ST7: variants seen among roughly 807,000 people sequenced by gnomAD.
The protein encoded by ST7 is suppression of tumorigenicity 7, also known as suppressor of tumorigenicity 7 protein.
A neutral mutation model predicts 78.7 loss-of-function variants in ST7; 28 were observed. That is an observed-to-expected ratio of 0.36 (90% CI 0.26 to 0.49). ST7 has a LOEUF of 0.49. Among genes scored for constraint, ST7 ranks in the 20% least tolerant of loss-of-function variants. The pLI is 0.99. For synonymous variants in ST7, 247 were observed against 249.6 expected (o/e 0.99, Z 0.10); for missense variants, 418 against 696.0 (o/e 0.60, Z 4.49).
chr7:116,960,119 C>T (rs183287665), intron 1 of ST7, among the ~76,000 whole-genome samples: 1 of 152,214 alleles, frequency 6.6e-6, no homozygotes, highest in East Asian at 1.9e-4. Context: ...TCTTACCCCT[C>T]AAATCTGAAC....
chr7:117,093,798 A>G (rs1368352691), intron 1 of ST7, among the ~76,000 whole-genome samples: 1 of 152,212 alleles, frequency 6.6e-6, no homozygotes, highest in Non-Finnish European at 1.5e-5. Flanking sequence ...CTTTATCTAC[A>G]ATATTATGTT....
chr7:117,107,474 G>T (rs1244681671), intron 2 of ST7, among the ~76,000 whole-genome samples: 1 of 151,976 alleles, frequency 6.6e-6, no homozygotes, highest in Admixed American at 6.6e-5. Flanking sequence ...GGGGTGAAGT[G>T]GTGCTGCATT....
intron 2 of ST7, 80 bp from the exon 3 acceptor site, chr7:117,119,481 T>G (rs984133130): frequency 2.3e-6 from 3 of 1,322,214 alleles, no homozygotes; most frequent in Non-Finnish European, 3.0e-6. Context: ...AATTAGTAAA[T>G]GTAACATGTT....
At chr7:116,988,848 A>G (rs1177644716) in intron 1 of ST7, among the ~76,000 whole-genome samples, 1 of 152,242 alleles carries the variant, frequency 6.6e-6, no homozygotes, top group Non-Finnish European at 1.5e-5. Flanking sequence ...ACAGACTTGG[A>G]CACTAATGCT....
intron 1 of ST7, among the ~76,000 whole-genome samples, chr7:117,074,505 G>A (rs943381685): frequency 1.3e-4 from 20 of 150,844 alleles, no homozygotes; most frequent in African/African-American, 4.9e-4. Context: ...TGTTTATGGC[G>A]ACCCCCCTCA....
intron 12 of ST7, among the ~76,000 whole-genome samples, chr7:117,197,172 C>T (rs908959726): frequency 6.6e-6 from 1 of 152,092 alleles, no homozygotes; most frequent in Non-Finnish European, 1.5e-5. Flanking sequence ...GTAGCTGGGA[C>T]TATAGGTATG....
At chr7:117,092,235 C>T (rs1366977877) in intron 1 of ST7, among the ~76,000 whole-genome samples, 4 of 137,874 alleles carry the variant, frequency 2.9e-5, no homozygotes, top group African/African-American at 8.5e-5. Context: ...GCCAAGATCA[C>T]GCCACTGCAC....
intron 12 of ST7, among the ~76,000 whole-genome samples, chr7:117,202,979 G>C (rs1009485504): frequency 2.0e-5 from 3 of 152,134 alleles, no homozygotes; most frequent in African/African-American, 7.2e-5. Context: ...CAGAACCTGT[G>C]TTATGCAAAA....
In ST7 at chr7:117,015,588, C is replaced by A. The variant is rs527853231; in HGVS notation, c.151+61897C>A. 3.3e-5 allele frequency among the ~76,000 whole-genome samples: 5 copies of A among 152,236 alleles called. No homozygotes were observed. The South Asian group carries it at 6.2e-4, about 19-fold the overall frequency. On this transcript the variant is annotated intron_variant, in intron 1 of 15. Transcript: ENST00000323984. ...ACTTGTTTCTCAATCTCTAGTTTCA[C>A]TGAATGGTAAATTGGTACATGTTTA...
chr7:117,018,809 A>G (rs1228652739), intron 1 of ST7, among the ~76,000 whole-genome samples: 4 of 152,214 alleles, frequency 2.6e-5, no homozygotes, highest in Non-Finnish European at 5.9e-5. Context: ...CACTCAGTAA[A>G]TATTAGCTAT....
chr7:117,198,594 T>C (rs1248168873), intron 12 of ST7: 5 of 257,558 alleles, frequency 1.9e-5, no homozygotes, highest in African/African-American at 1.1e-4. Flanking sequence ...GTGTCTTATA[T>C]TCTTGTTCTG....
intron 12 of ST7, among the ~76,000 whole-genome samples, chr7:117,192,612 G>A (rs2117409751): frequency 6.6e-6 from 1 of 152,052 alleles, no homozygotes; most frequent in South Asian, 2.1e-4. Context: ...ATAATGGTTG[G>A]GGGCTCCTCA....
At chr7:117,113,146 G>A (rs1026834677) in intron 2 of ST7, among the ~76,000 whole-genome samples, 2 of 152,258 alleles carry the variant, frequency 1.3e-5, no homozygotes, top group African/African-American at 4.8e-5. Context: ...TTGCAGTGCT[G>A]AGGCAGGAAT....
chr7:117,126,544 C>A (rs1040792752), intron 3 of ST7, among the ~76,000 whole-genome samples: 1 of 151,764 alleles, frequency 6.6e-6, no homozygotes, highest in Non-Finnish European at 1.5e-5. Context: ...AAGCTATTAT[C>A]TTTTTTTGTA....
intron 12 of ST7, among the ~76,000 whole-genome samples, chr7:117,208,908 T>TGG (rs1459402305): frequency 0.014 from 391 of 27,404 alleles, 4 homozygotes; most frequent in African/African-American, 0.025. Flanking sequence ...TGTGGGTGTG[T>TGG]GTGTGTGTGT....
intron 12 of ST7, among the ~76,000 whole-genome samples, chr7:117,201,368 G>A (rs1810828920): frequency 6.6e-6 from 1 of 152,050 alleles, no homozygotes; most frequent in Non-Finnish European, 1.5e-5. Context: ...CACTGCAGCT[G>A]CTTTCCCCAA....
intron 1 of ST7, among the ~76,000 whole-genome samples, chr7:117,077,847 T>TC (rs1344352859): frequency 6.8e-6 from 1 of 147,890 alleles, no homozygotes; most frequent in Non-Finnish European, 1.5e-5. Context: ...TTTCTTTCTT[T>TC]TTTTTTTTTT....
chr7:117,159,515 T>C (rs2117202651), intron 9 of ST7, among the ~76,000 whole-genome samples: 1 of 152,308 alleles, frequency 6.6e-6, no homozygotes, highest in South Asian at 2.1e-4. Context: ...TAAACAGAAC[T>C]ATGCTAGATA....
At chr7:117,082,361 C>T (rs754950284) in intron 1 of ST7, among the ~76,000 whole-genome samples, 3 of 152,178 alleles carry the variant, frequency 2.0e-5, no homozygotes, top group Non-Finnish European at 2.9e-5. Flanking sequence ...AATTTGACTA[C>T]TTAATGCTGG....
Sources: gnomAD v4.1 joint callset for allele counts (sites outside exome capture counted in the v4.1 genomes callset) on GRCh38, gnomAD v4.1.1 for gene constraint, MANE v1.5 for transcripts, NCBI Gene and HGNC (gene_info 2026-07-23, HGNC 2026-07-21) for gene names.